Variants in ST8SIA1 observed in about 807,000 individuals in gnomAD.
The protein encoded by ST8SIA1 is ST8 alpha-N-acetyl-neuraminide alpha-2,8-sialyltransferase 1.
In ST8SIA1, 16 loss-of-function variants were observed where a neutral mutation model predicts 35.9. That is an observed-to-expected ratio of 0.45 (90% CI 0.30 to 0.68). The LOEUF (loss-of-function observed/expected upper bound fraction) is 0.68, where lower values mean the gene tolerates loss of function less well. Ranked by LOEUF, ST8SIA1 falls within the 30% of genes least tolerant of loss-of-function variation. The pLI, the probability that ST8SIA1 is intolerant of heterozygous loss-of-function variation, is 0.09. For synonymous variants in ST8SIA1, 170 were observed against 169.6 expected (o/e 1.00, Z -0.02); for missense variants, 383 against 453.6 (o/e 0.84, Z 1.41).
At chr12:22,246,104 G>A (rs1369333358) in intron 4 of ST8SIA1, among the ~76,000 whole-genome samples, 3 of 152,120 alleles carry the variant, frequency 2.0e-5, no homozygotes, top group Admixed American at 6.5e-5. Context: ...AGAGTTGGGG[G>A]AACCCCAACT....
At position 22,201,955 on chromosome 12, in the gene ST8SIA1, A is replaced by G; in HGVS notation, c.668T>C (p.Phe223Ser). ...TGGCTCTGTTCCTGTCTTCATAGAA[A>G]AGGCAGGCATGTAGATGTAACTGTG... ...YNHSYIYMPAFSMKTGTEPSL... is the reference protein window; with the variant it reads ...YNHSYIYMPASSMKTGTEPSL... The change falls in exon 5 of 5, where the codon TTT becomes TCT. Residue 223 changes from phenylalanine (F) to serine (S), a missense_variant. Coordinates refer to ENST00000396037, the MANE Select transcript of ST8SIA1 (RefSeq NM_003034.4). The G allele has an allele frequency of 4.3e-6, 7 of 1,614,080 alleles. No individual in the cohort carries two copies. The highest frequency in any genetic ancestry group is 5.9e-6 in the Non-Finnish European group (7 of 1,179,938).
intron 2 of ST8SIA1, among the ~76,000 whole-genome samples, chr12:22,279,104 C>CA (rs1375089447): frequency 5.3e-5 from 8 of 152,068 alleles, no homozygotes; most frequent in African/African-American, 1.9e-4. Context: ...CTCATTTATC[C>CA]AGCCTACTTC....
At chr12:22,210,940 C>T (rs1488129742) in intron 4 of ST8SIA1, among the ~76,000 whole-genome samples, 2 of 152,142 alleles carry the variant, frequency 1.3e-5, no homozygotes, top group Admixed American at 6.5e-5. Flanking sequence ...TGTAACCAAT[C>T]GTGCTGTTTC....
In ST8SIA1 at chr12:22,249,111, GAACA is replaced by G; in HGVS notation, c.492-17_492-14del. ...AGGGAGATTGCATCTAGAGAAACAA[GAACA>G]AACATTTTGGAACAATTTGCATAGT... On this transcript the variant is annotated splice_polypyrimidine_tract_variant and intron_variant, in intron 3 of 4. Coordinates refer to ENST00000396037, the MANE Select transcript of ST8SIA1 (RefSeq NM_003034.4). 2 of 1,568,010 alleles carry G rather than the reference GAACA, an allele frequency of 1.3e-6. No individual in the cohort carries two copies. The highest frequency in any genetic ancestry group is 1.8e-6 in the Non-Finnish European group (2 of 1,139,926).
At chr12:22,314,626 T>C (rs540612391) in intron 1 of ST8SIA1, among the ~76,000 whole-genome samples, 1 of 152,324 alleles carries the variant, frequency 6.6e-6, no homozygotes, top group Admixed American at 6.5e-5. Context: ...TATTGAATTG[T>C]GTATCTTCCT....
At chr12:22,266,498 A>G (rs1159991984) in intron 2 of ST8SIA1, among the ~76,000 whole-genome samples, 7 of 144,374 alleles carry the variant, frequency 4.8e-5, no homozygotes, top group Non-Finnish European at 9.2e-5. Context: ...CTATTTAAAA[A>G]AAAAATATAT....
chr12:22,255,193 G>T, intron 3 of ST8SIA1, 87 bp downstream of exon 3: 2 of 1,020,864 alleles, frequency 2.0e-6, no homozygotes, highest in South Asian at 2.6e-5. Flanking sequence ...CATCACAAGT[G>T]ACTAGTTTTG....
intron 2 of ST8SIA1, among the ~76,000 whole-genome samples, chr12:22,262,455 G>A (rs909739151): frequency 6.6e-6 from 1 of 152,134 alleles, no homozygotes; most frequent in Non-Finnish European, 1.5e-5. Context: ...CTGAACAGCA[G>A]AGCCGGCACT....
At chr12:22,281,835 A>T (rs896503950) in intron 2 of ST8SIA1, among the ~76,000 whole-genome samples, 9 of 150,964 alleles carry the variant, frequency 6.0e-5, no homozygotes, top group Admixed American at 5.3e-4. Flanking sequence ...AAAAAAAAAA[A>T]ATACAATAAA....
chr12:22,309,082 G>A (rs965335367), intron 1 of ST8SIA1, among the ~76,000 whole-genome samples: 2 of 152,078 alleles, frequency 1.3e-5, no homozygotes, highest in African/African-American at 4.8e-5. Context: ...CTAAAGTATT[G>A]TAAACTAAAA....
At chr12:22,233,468 C>T (rs1865440351) in intron 4 of ST8SIA1, among the ~76,000 whole-genome samples, 1 of 152,016 alleles carries the variant, frequency 6.6e-6, no homozygotes, top group African/African-American at 2.4e-5. Context: ...TCATAAATCA[C>T]CCTTTTTTGT....
At chr12:22,296,321 C>T (rs1251306125) in intron 1 of ST8SIA1, among the ~76,000 whole-genome samples, 1 of 152,184 alleles carries the variant, frequency 6.6e-6, no homozygotes, top group African/African-American at 2.4e-5. Flanking sequence ...TCCAAAAGCA[C>T]AGCAAGACAT....
intron 1 of ST8SIA1, among the ~76,000 whole-genome samples, chr12:22,320,723 T>C (rs1042027190): frequency 1.3e-5 from 2 of 151,094 alleles, no homozygotes; most frequent in Non-Finnish European, 2.9e-5. Flanking sequence ...CAGTCCCAGG[T>C]ACTTGGGAGG....
intron 2 of ST8SIA1, among the ~76,000 whole-genome samples, chr12:22,284,602 C>A (rs889089815): frequency 6.6e-6 from 1 of 152,164 alleles, no homozygotes; most frequent in Non-Finnish European, 1.5e-5. Flanking sequence ...AAAATACATA[C>A]ATATGCAATT....
intron 4 of ST8SIA1, among the ~76,000 whole-genome samples, chr12:22,231,331 CAA>C (rs1463489726): frequency 3.3e-5 from 5 of 151,090 alleles, no homozygotes; most frequent in Admixed American, 6.6e-5. Flanking sequence ...ACCTTCACTC[CAA>C]AACAGGTAAG....
intron 4 of ST8SIA1, among the ~76,000 whole-genome samples, chr12:22,226,646 T>C (rs1057164875): frequency 5.9e-5 from 9 of 152,116 alleles, no homozygotes; most frequent in Non-Finnish European, 1.2e-4. Context: ...TCTCTCTGAG[T>C]TTTTTTCCTC....
Position 22,318,747 on chromosome 12 carries a change from CA to C in ST8SIA1, c.236+15249del, listed in dbSNP as rs564487915. Among the ~76,000 whole-genome samples, 15 of 152,278 alleles carry C rather than the reference CA, an allele frequency of 9.9e-5. No homozygotes were observed. In the East Asian group the frequency reaches 2.9e-3, roughly 29 times the overall value. ...AGAATAAAGTGTTAATTCACCTATA[CA>C]AAATGAAATTTTATCATTTGCGATT... On this transcript the variant is annotated intron_variant, in intron 1 of 4. Transcript: ENST00000396037.
chr12:22,202,004 C>T lies in ST8SIA1; in HGVS notation c.619G>A (p.Val207Met). ...QNLLWSRKTF[V>M]DNMKIYNHSY... ...TGGTTATAAATTTTCATGTTGTCCA[C>T]AAATGTCTTTCTGGACCACAGAAGG... Residue 207 changes from valine (V) to methionine (M), a missense_variant, in exon 5 of 5, where the codon GTG becomes ATG. Val to Met is a conservative substitution (Grantham distance 21). Coordinates refer to ENST00000396037, the MANE Select transcript of ST8SIA1 (RefSeq NM_003034.4). 1 of 1,611,086 alleles carries T rather than the reference C, an allele frequency of 6.2e-7. No homozygotes were observed. Among genetic ancestry groups the T allele is most frequent in the Non-Finnish European group, 8.5e-7 (1 of 1,179,070 alleles).
At chr12:22,287,345 A>C in intron 1 of ST8SIA1, 52 bp from the exon 2 acceptor site, 1 of 1,567,908 alleles carries the variant, frequency 6.4e-7, no homozygotes, top group South Asian at 1.2e-5. Flanking sequence ...AATGAGGAGC[A>C]GATTCATTCA....
Sources: allele counts gnomAD v4.1 joint callset (sites outside exome capture counted in the v4.1 genomes callset), GRCh38; gene constraint gnomAD v4.1.1; transcripts MANE v1.5; gene names NCBI Gene and HGNC (gene_info 2026-07-23, HGNC 2026-07-21).